The following ADAMTS7 variants were observed in gnomAD, a reference collection of about 807,000 sequenced individuals.
ADAMTS7 encodes A disintegrin and metalloproteinase with thrombospondin motifs 7.
ADAMTS7 carries 89 observed loss-of-function variants against 172.6 expected under a neutral mutation model. That is an observed-to-expected ratio of 0.52 (90% CI 0.43 to 0.61). The LOEUF is 0.61. Among genes scored for constraint, ADAMTS7 ranks in the 20% least tolerant of loss-of-function variants. The pLI is 0.00. For missense variants in ADAMTS7, 1,973 were observed against 2,355.6 expected (o/e 0.84, Z 3.36); for synonymous variants, 885 against 978.4 (o/e 0.90, Z 1.78).
rs1567212672 is a variant in ADAMTS7 at position 78,771,401 on chromosome 15, C to T, written c.2377-98G>A. 5.7e-6 allele frequency: 9 copies of T among 1,583,202 alleles called. No homozygotes were observed. Among genetic ancestry groups the T allele is most frequent in the Admixed American group, 3.5e-5 (2 of 57,044 alleles). Reference sequence around the variant, plus strand: ...CAGCCACCTCTGTGAACTGCAGCTACAAGATTGGGCCATTTTAAAGATGGG... The same window carrying T: ...CAGCCACCTCTGTGAACTGCAGCTATAAGATTGGGCCATTTTAAAGATGGG... On this transcript the variant is annotated intron_variant, in intron 15 of 23. Transcript: ENST00000388820. The surrounding 1 kb of genome is among the most constrained non-coding windows in gnomAD (Gnocchi z 4.9).
At chr15:78,759,770 C>T (rs936022558) in intron 23 of ADAMTS7, among the ~76,000 whole-genome samples, 192 bp from the exon 24 acceptor site, 1 of 152,188 alleles carries the variant, frequency 6.6e-6, no homozygotes, top group African/African-American at 2.4e-5. Context: ...TACTCATGGC[C>T]AACCCCAGGA....
chr15:78,795,225 G>A (rs1347937589), intron 4 of ADAMTS7, among the ~76,000 whole-genome samples: 3 of 152,242 alleles, frequency 2.0e-5, no homozygotes, highest in Non-Finnish European at 4.4e-5. Flanking sequence ...CCCAGGGGCT[G>A]GGCCCTGCTG....
In ADAMTS7 at chr15:78,796,634, C is replaced by T. The variant is rs369032105; in HGVS notation, c.775G>A (p.Gly259Arg). The change falls in exon 4 of 24, where the codon GGA (glycine) becomes AGA (arginine). Residue 259 changes from glycine to arginine, a missense_variant. Gly to Arg is a moderately radical substitution (Grantham distance 125). Transcript: ENST00000388820. ...ACATAGCTCTCAACCTGCGGCTGTC[C>T]GTGGTACTCCACCATTTTGGCATCA... ...VADAKMVEYH[G>R]QPQVESYVLT... is the part of the protein sequence containing the mutation. 5.7e-5 allele frequency: 92 copies of T among 1,613,970 alleles called. No individual in the cohort carries two copies. Among genetic ancestry groups the T allele is most frequent in the Admixed American group, 3.0e-4 (18 of 59,998 alleles).
intron 2 of ADAMTS7, 133 bp from the exon 3 acceptor site, chr15:78,798,246 T>A: frequency 1.2e-6 from 1 of 829,452 alleles, no homozygotes; most frequent in Non-Finnish European, 1.8e-6. Flanking sequence ...GGACACACTG[T>A]ACTTTCCTCC....
chr15:78,761,772 A>T (rs2055047617), intron 23 of ADAMTS7: 1 of 880,596 alleles, frequency 1.1e-6, no homozygotes, highest in Non-Finnish European at 1.4e-6. Context: ...GCGCACGCAC[A>T]CATGCTGGAG....
intron 8 of ADAMTS7, among the ~76,000 whole-genome samples, chr15:78,778,318 G>C (rs533058541): frequency 3.5e-4 from 53 of 152,366 alleles, no homozygotes; most frequent in African/African-American, 1.2e-3. Context: ...AGGAAGCATG[G>C]AAGCAGGGAC....
chr15:78,779,665 C>T (rs2141495351), intron 8 of ADAMTS7, among the ~76,000 whole-genome samples: 1 of 152,278 alleles, frequency 6.6e-6, no homozygotes, highest in East Asian at 1.9e-4. Context: ...TGGCCCTGGG[C>T]TCCCTCCTTC....
chr15:78,763,727 G>T lies in ADAMTS7; in HGVS notation c.4712C>A (p.Thr1571Lys). ...GCCCCAGGGCCCCACCACCCACTGC[G>T]TGCAGGGGTGGGTGTTGCAGGGCCG... ...TTRPCNTHPC[T>K]QWVVGPWGQC... The change falls in exon 22 of 24, where the codon ACG becomes AAG. Residue 1571 changes from threonine (T) to lysine (K), a missense_variant. Around this residue, in one of 8 missense-constraint regions of ADAMTS7, gnomAD observed 218 missense variants for 216.9 expected, o/e 1.01. Coordinates refer to ENST00000388820, the MANE Select transcript of ADAMTS7 (RefSeq NM_014272.5). 1 of 1,585,224 alleles carries T rather than the reference G, an allele frequency of 6.3e-7. No homozygotes were observed. Among genetic ancestry groups the T allele is most frequent in the Non-Finnish European group, 8.6e-7 (1 of 1,168,040 alleles).
At chr15:78,808,750 A>G (rs2055828882) in intron 1 of ADAMTS7, among the ~76,000 whole-genome samples, 1 of 152,210 alleles carries the variant, frequency 6.6e-6, no homozygotes, top group Non-Finnish European at 1.5e-5. Flanking sequence ...AACAAAGCTG[A>G]GCCTGCAGAG....
intron 8 of ADAMTS7, among the ~76,000 whole-genome samples, chr15:78,786,015 C>T (rs113507238): frequency 0.1 from 15,070 of 148,054 alleles, 1,540 homozygotes; most frequent in Non-Finnish European, 0.13. Context: ...CTGCAACCTC[C>T]GCCTCCTGGG....
rs766334052 is a variant in ADAMTS7, at chr15:78,774,646, T to C, written c.1854A>G (p.Thr618=). The part of the protein sequence containing the change: ...DAMLYKGQLH[T]WVPVVNDVNP... ...CACCGTCATTGACCACGGGCACCCATGTGTGCAGCTGGCCCTTGTAGAGCA... is the reference window on the plus strand; with the variant it reads ...CACCGTCATTGACCACGGGCACCCACGTGTGCAGCTGGCCCTTGTAGAGCA... The change falls in exon 12 of 24, where the codon ACA becomes ACG. Residue 618 remains threonine (T), a synonymous_variant. Coordinates refer to ENST00000388820, the MANE Select transcript of ADAMTS7 (RefSeq NM_014272.5). The C allele has an allele frequency of 1.9e-6, 3 of 1,611,746 alleles. No individual in the cohort carries two copies. The highest frequency in any genetic ancestry group is 1.1e-5 in the South Asian group (1 of 90,988).
intron 11 of ADAMTS7, 136 bp from the exon 12 acceptor site, chr15:78,774,929 C>T (rs1178984588): frequency 4.5e-6 from 5 of 1,120,856 alleles, no homozygotes; most frequent in East Asian, 2.7e-5. Context: ...CGCTGCTCCC[C>T]TCCCTTGGGC....
At chr15:78,795,516 G>A (rs1204721760) in intron 4 of ADAMTS7, among the ~76,000 whole-genome samples, 2 of 152,156 alleles carry the variant, frequency 1.3e-5, no homozygotes, top group African/African-American at 4.8e-5. Flanking sequence ...GTTTCACAGC[G>A]ATAAACTAGG....
At chr15:78,799,979 C>T (rs866259230) in intron 2 of ADAMTS7, among the ~76,000 whole-genome samples, 8 of 151,954 alleles carry the variant, frequency 5.3e-5, no homozygotes, top group Admixed American at 1.3e-4. Context: ...GGTGCACCAC[C>T]ACCCGGCTTT....
chr15:78,761,874 G>A, intron 23 of ADAMTS7: 8 of 985,210 alleles, frequency 8.1e-6, no homozygotes, highest in Non-Finnish European at 9.6e-6. Flanking sequence ...GGGATTAACA[G>A]GACCCTGGAA....
rs544680403 is a variant in ADAMTS7, at chr15:78,766,242, T to C, written c.3669A>G (p.Glu1223=). 1 of 1,611,542 alleles carries C rather than the reference T, an allele frequency of 6.2e-7. No homozygotes were observed. Among genetic ancestry groups the C allele is most frequent in the South Asian group, 1.1e-5 (1 of 91,014 alleles). ...RTNEVFKDDE[E]PKGRGAPHLP... ...GGTGGGGTGCTCCTCGGCCCTTGGG[T>C]TCCTCATCATCCTTGAAAACCTCAT... The change falls in exon 19 of 24, where the codon GAA becomes GAG. Residue 1223 remains glutamate, a synonymous_variant. Transcript: ENST00000388820.
chr15:78,766,407 A>G lies in ADAMTS7; in HGVS notation c.3504T>C (p.Asp1168=). Residue 1168 remains aspartate, a synonymous_variant, in exon 19 of 24, where the codon GAT becomes GAC. Coordinates refer to ENST00000388820, the MANE Select transcript of ADAMTS7 (RefSeq NM_014272.5). ...GCCAGGACAGGCTGGGGAGCCCAAG[A>G]TCTGGGGCCCCTATGGGGGTGTCTT... is the stretch of plus-strand genomic sequence containing the variant. The part of the protein sequence containing the change: ...PEEDTPIGAP[D]LGLPSLSWPR... 6.5e-7 allele frequency: 1 copy of G among 1,548,966 alleles called. No individual in the cohort carries two copies. The highest frequency in any genetic ancestry group is 8.8e-7 in the Non-Finnish European group (1 of 1,142,546).
chr15:78,764,120 A>G (rs1158422349), intron 20 of ADAMTS7, 21 bp from the exon 21 acceptor site: 2 of 1,506,422 alleles, frequency 1.3e-6, no homozygotes, highest in African/African-American at 2.8e-5. Context: ...AGAGACGTGT[A>G]TGGACACATC....
At chr15:78,799,650 T>G (rs1052935949) in intron 2 of ADAMTS7, among the ~76,000 whole-genome samples, 7 of 151,854 alleles carry the variant, frequency 4.6e-5, no homozygotes, top group African/African-American at 1.5e-4. Flanking sequence ...TTCAGTTACT[T>G]AGTCCAGTCA....
Sources: allele counts gnomAD v4.1 joint callset (sites outside exome capture counted in the v4.1 genomes callset), GRCh38; gene constraint gnomAD v4.1.1; regional missense constraint gnomAD v4.1.1; non-coding constraint Gnocchi (gnomAD v3.1); transcripts MANE v1.5; gene names NCBI Gene and HGNC (gene_info 2026-07-23, HGNC 2026-07-21).